TMEM132D: variants seen among roughly 807,000 people sequenced by gnomAD.
TMEM132D encodes the protein mature OL transmembrane protein.
TMEM132D carries 21 observed loss-of-function variants against 62.3 expected under a neutral mutation model. The ratio of observed to expected loss-of-function variants is 0.34; its 90% confidence interval spans 0.24 to 0.49. The LOEUF (loss-of-function observed/expected upper bound fraction) is 0.49, where lower values mean the gene tolerates loss of function less well. TMEM132D is among the 20% of genes least tolerant of loss of function. TMEM132D has a pLI of 0.99. For synonymous variants in TMEM132D, 621 were observed against 575.6 expected (o/e 1.08, Z -1.13); for missense variants, 1,346 against 1,402.8 (o/e 0.96, Z 0.65).
At chr12:129,234,271 G>A (rs980842819) in intron 4 of TMEM132D, among the ~76,000 whole-genome samples, 7 of 152,196 alleles carry the variant, frequency 4.6e-5, no homozygotes, top group Admixed American at 6.5e-5. Flanking sequence ...TTTGCAAACC[G>A]AGGGGTGTTT....
chr12:129,250,708 C>G (rs943458822), intron 4 of TMEM132D, among the ~76,000 whole-genome samples: 3 of 152,144 alleles, frequency 2.0e-5, no homozygotes, highest in Admixed American at 1.3e-4. Flanking sequence ...GGGATTGTTC[C>G]AGTGGCTGAG....
rs545655586 is a variant in TMEM132D, at chr12:129,149,428, T to G, written c.1443+60092A>C. Among the ~76,000 whole-genome samples the G allele has an allele frequency of 4.7e-3, 721 of 152,286 alleles. 4 individuals carry two copies. The highest frequency in any genetic ancestry group is 7.8e-3 in the Non-Finnish European group (533 of 68,026). On this transcript the variant is annotated intron_variant, in intron 5 of 8. Coordinates refer to ENST00000422113, the MANE Select transcript of TMEM132D (RefSeq NM_133448.3). ...GCCCCTGAAAAGTAGAGCTCAAGGCTTTCTGTCCCTGAAACAAAAGCAGGA... is the reference window on the plus strand; with the variant it reads ...GCCCCTGAAAAGTAGAGCTCAAGGCGTTCTGTCCCTGAAACAAAAGCAGGA...
At chr12:129,553,210 C>G (rs1157026344) in intron 2 of TMEM132D, among the ~76,000 whole-genome samples, 1 of 152,160 alleles carries the variant, frequency 6.6e-6, no homozygotes, top group African/African-American at 2.4e-5. Context: ...GCTCTCACCA[C>G]TGCTGCCCCG....
intron 2 of TMEM132D, among the ~76,000 whole-genome samples, chr12:129,650,104 A>G (rs1245743317): frequency 6.6e-6 from 1 of 152,228 alleles, no homozygotes; most frequent in Admixed American, 6.5e-5. Flanking sequence ...TTTCTATCCT[A>G]AACCTGCCAC....
chr12:129,376,820 C>T (rs887243553), intron 3 of TMEM132D, among the ~76,000 whole-genome samples: 4 of 152,070 alleles, frequency 2.6e-5, no homozygotes, highest in African/African-American at 7.2e-5. Flanking sequence ...TTCTTGTAAA[C>T]GTGTGTTAAA....
chr12:129,381,434 CT>C, intron 3 of TMEM132D, among the ~76,000 whole-genome samples: 1 of 152,300 alleles, frequency 6.6e-6, no homozygotes, highest in Middle Eastern at 3.4e-3. Flanking sequence ...CAGCTTTTCA[CT>C]GTAATCAGGT....
At chr12:129,341,096 T>C (rs183181039) in intron 3 of TMEM132D, among the ~76,000 whole-genome samples, 6 of 152,322 alleles carry the variant, frequency 3.9e-5, no homozygotes, top group African/African-American at 1.2e-4. Flanking sequence ...TTTGTAAATA[T>C]TTAGCACTTA....
chr12:129,299,771 G>T (rs989683904), intron 4 of TMEM132D, among the ~76,000 whole-genome samples: 3 of 152,074 alleles, frequency 2.0e-5, no homozygotes, highest in African/African-American at 7.2e-5. Flanking sequence ...ACGTCCTTCA[G>T]GGCGTTCTCA....
chr12:129,586,178 T>C (rs1218857032), intron 2 of TMEM132D, among the ~76,000 whole-genome samples: 2 of 152,064 alleles, frequency 1.3e-5, no homozygotes, highest in East Asian at 3.9e-4. Context: ...TGCAGTTAGG[T>C]TGGGGACGTC....
chr12:129,239,064 T>C (rs189431994), intron 4 of TMEM132D, among the ~76,000 whole-genome samples: 1 of 152,068 alleles, frequency 6.6e-6, no homozygotes, highest in Admixed American at 6.5e-5. Flanking sequence ...GTGGTTTTGA[T>C]TTGCTTTTCC....
intron 3 of TMEM132D, among the ~76,000 whole-genome samples, chr12:129,440,083 A>G (rs1429735907): frequency 6.6e-6 from 1 of 152,198 alleles, no homozygotes; most frequent in Non-Finnish European, 1.5e-5. Context: ...TGAGAGGACA[A>G]CGCCAACCTC....
rs550412549 is a variant in TMEM132D at position 129,828,467 on chromosome 12, T to G, written c.79+74794A>C. ...ATGTAGATAAACCCCAAATATCTAT[T>G]AGCATTCACAGCAGTCTTCCTTCCC... On this transcript the variant is annotated intron_variant, in intron 1 of 8. Transcript: ENST00000422113. 2.6e-5 allele frequency among the ~76,000 whole-genome samples: 4 copies of G among 151,868 alleles called. No individual in the cohort carries two copies. The South Asian group carries it at 8.3e-4, about 32-fold the overall frequency.
intron 2 of TMEM132D, among the ~76,000 whole-genome samples, chr12:129,585,815 A>G (rs1031626180): frequency 6.6e-4 from 97 of 147,736 alleles, no homozygotes; most frequent in Admixed American, 7.5e-4. Flanking sequence ...ATATGCATGC[A>G]TGTGTGTGTG....
intron 1 of TMEM132D, among the ~76,000 whole-genome samples, chr12:129,739,820 G>C (rs942705254): frequency 5.3e-5 from 8 of 152,128 alleles, no homozygotes; most frequent in African/African-American, 1.2e-4. Flanking sequence ...AATGCAAGCA[G>C]GTTCTACTAT....
chr12:129,802,109 A>G (rs2137308200), intron 1 of TMEM132D, among the ~76,000 whole-genome samples: 1 of 151,138 alleles, frequency 6.6e-6, no homozygotes, highest in African/African-American at 2.4e-5. Context: ...GTTGGAAAAC[A>G]CTCTGCAGGA....
intron 2 of TMEM132D, among the ~76,000 whole-genome samples, chr12:129,656,502 T>G (rs781132957): frequency 6.6e-6 from 1 of 152,180 alleles, no homozygotes; most frequent in South Asian, 2.1e-4. Context: ...AGCTCGCTGG[T>G]TGCACTCAAG....
chr12:129,268,760 A>G (rs1880767989), intron 4 of TMEM132D, among the ~76,000 whole-genome samples: 1 of 152,094 alleles, frequency 6.6e-6, no homozygotes, highest in African/African-American at 2.4e-5. Context: ...AATGACTTGG[A>G]AGCAACCCAA....
chr12:129,323,621 T>TA (rs960041541), intron 4 of TMEM132D, among the ~76,000 whole-genome samples: 14 of 152,006 alleles, frequency 9.2e-5, no homozygotes, highest in African/African-American at 1.4e-4. Context: ...TCACAGGTTA[T>TA]AAAAAAAATA....
intron 1 of TMEM132D, among the ~76,000 whole-genome samples, chr12:129,869,077 T>A (rs1220851175): frequency 7.0e-6 from 1 of 143,176 alleles, no homozygotes; most frequent in Non-Finnish European, 1.5e-5. Context: ...TTTTTTTTTT[T>A]AATATGAATG....
Sources: gnomAD v4.1 joint callset for allele counts (sites outside exome capture counted in the v4.1 genomes callset) on GRCh38, gnomAD v4.1.1 for gene constraint, MANE v1.5 for transcripts, NCBI Gene and HGNC (gene_info 2026-07-23, HGNC 2026-07-21) for gene names.